LDLRAD4: variants seen among roughly 807,000 people sequenced by gnomAD.
LDLRAD4 encodes the protein low-density lipoprotein receptor class A domain-containing protein 4.
Under a neutral mutation model 17.0 loss-of-function variants are expected in LDLRAD4, and 5 were observed. That is an observed-to-expected ratio of 0.29 (90% CI 0.15 to 0.62). LDLRAD4 has a LOEUF of 0.62. Among genes scored for constraint, LDLRAD4 ranks in the 20% least tolerant of loss-of-function variants. LDLRAD4 has a pLI of 0.84. For synonymous variants in LDLRAD4, 168 were observed against 171.8 expected, an observed-to-expected ratio of 0.98 and a Z score of 0.17; for missense variants, 340 against 424.7, an observed-to-expected ratio of 0.80 and a Z score of 1.75.
intron 1 of LDLRAD4, among the ~76,000 whole-genome samples, chr18:13,328,041 C>T (rs750593405): frequency 4.6e-5 from 7 of 152,170 alleles, no homozygotes; most frequent in Non-Finnish European, 7.4e-5. Flanking sequence ...CCATCAGGCT[C>T]TCCTCCCTGC....
chr18:13,423,394 G>C (rs1470886577), intron 2 of LDLRAD4, among the ~76,000 whole-genome samples: 3 of 151,894 alleles, frequency 2.0e-5, no homozygotes, highest in Non-Finnish European at 4.4e-5. Flanking sequence ...TTAGGAAGCT[G>C]AGGCAAGAGA....
chr18:13,639,163 A>C (rs948088174), intron 4 of LDLRAD4, among the ~76,000 whole-genome samples: 1 of 152,232 alleles, frequency 6.6e-6, no homozygotes, highest in Non-Finnish European at 1.5e-5. Flanking sequence ...TTAGCCAAGA[A>C]CATCAGTGCC....
chr18:13,279,615 C>T (rs1026366472), intron 1 of LDLRAD4: 10 of 152,234 alleles, frequency 6.6e-5, no homozygotes, highest in Admixed American at 2.6e-4. Flanking sequence ...ATCTGATTTT[C>T]CCCCTTATGT....
chr18:13,492,628 G>T (rs892668426), intron 3 of LDLRAD4, among the ~76,000 whole-genome samples: 19 of 152,214 alleles, frequency 1.2e-4, no homozygotes, highest in Admixed American at 1.2e-3. Flanking sequence ...ACTGACTGGG[G>T]CGGCCCTCCA....
chr18:13,283,751 C>T (rs1207557351), intron 1 of LDLRAD4, among the ~76,000 whole-genome samples: 2 of 152,178 alleles, frequency 1.3e-5, no homozygotes, highest in East Asian at 3.8e-4. Flanking sequence ...CAGCAGTGCT[C>T]CACTCTACTG....
chr18:13,362,036 G>A (rs889197427), intron 1 of LDLRAD4, among the ~76,000 whole-genome samples: 1 of 151,932 alleles, frequency 6.6e-6, no homozygotes, highest in African/African-American at 2.4e-5. Context: ...TGATAGGAGC[G>A]TACACTTGTG....
intron 1 of LDLRAD4, among the ~76,000 whole-genome samples, chr18:13,293,219 C>T (rs2046069752): frequency 6.6e-6 from 1 of 152,164 alleles, no homozygotes; most frequent in Non-Finnish European, 1.5e-5. Context: ...TCACCCTTTT[C>T]TAGACATATT....
intron 3 of LDLRAD4, among the ~76,000 whole-genome samples, chr18:13,583,739 G>T (rs778212909): frequency 2.0e-5 from 3 of 152,154 alleles, no homozygotes; most frequent in African/African-American, 7.2e-5. Context: ...CGGCCGCGCC[G>T]AAGCCTGCTT....
At chr18:13,274,477 C>G (rs755072006), upstream of LDLRAD4, among the ~76,000 whole-genome samples, 1 of 152,196 alleles carries the variant, frequency 6.6e-6, no homozygotes, top group East Asian at 1.9e-4. Context: ...TTCTCTGCCT[C>G]GTGTCATGGA....
At chr18:13,238,407 ATGAT>A (rs1365806815) in intron 1 of LDLRAD4, among the ~76,000 whole-genome samples, 4 of 152,238 alleles carry the variant, frequency 2.6e-5, no homozygotes, top group Non-Finnish European at 5.9e-5. Context: ...GCAATATTTT[ATGAT>A]TGATCAGTGT....
chr18:13,489,977 G>C (rs2093324899), intron 3 of LDLRAD4: 1 of 152,128 alleles, frequency 6.6e-6, no homozygotes, highest in Non-Finnish European at 1.5e-5. Context: ...TGATAAAAGG[G>C]AATAAAATTT....
rs1276791966 is a variant in LDLRAD4 at position 13,487,542 on chromosome 18, TG to T, written c.181+49160del. 10 of 152,402 alleles carry T rather than the reference TG, an allele frequency of 6.6e-5. No homozygotes were observed. The South Asian group carries it at 1.9e-3, about 28-fold the overall frequency. The allele number at this position is 152,402 out of a possible 1,614,324, so 9.4% of individuals were successfully genotyped here. A position where few individuals can be genotyped will look rare whatever the true frequency, so the allele number is the denominator to read the frequency against. ...GAGAACTTCTCTGTGCTCCACCTCA[TG>T]GCCAGGGTTCTTACAGCCGCAGGCC... On this transcript the variant is annotated intron_variant, in intron 3 of 5. Coordinates refer to ENST00000359446, the Ensembl canonical transcript of LDLRAD4.
chr18:13,281,113 T>C (rs2045247997), intron 1 of LDLRAD4, among the ~76,000 whole-genome samples: 1 of 152,132 alleles, frequency 6.6e-6, no homozygotes, highest in Non-Finnish European at 1.5e-5. Flanking sequence ...GAAAATGTTA[T>C]CAAACAAAAA....
intron 3 of LDLRAD4, among the ~76,000 whole-genome samples, chr18:13,608,127 A>G (rs2095242389): frequency 6.7e-6 from 1 of 148,846 alleles, no homozygotes; most frequent in East Asian, 2.0e-4. Flanking sequence ...CACTTCTCAA[A>G]AGAAGACATT....
intron 5 of LDLRAD4, 152 bp from the exon 7 acceptor site, chr18:13,644,975 A>G: frequency 1.5e-6 from 1 of 663,504 alleles, no homozygotes; most frequent in Middle Eastern, 4.1e-4. Context: ...TTTTTCTGGA[A>G]TTGGATTTTC....
intron 3 of LDLRAD4, among the ~76,000 whole-genome samples, chr18:13,594,786 G>A (rs920415332): frequency 4.6e-5 from 7 of 151,388 alleles, no homozygotes; most frequent in Non-Finnish European, 1.0e-4. Context: ...AAAAGAAGTT[G>A]TCTGGAGGGA....
At chr18:13,561,648 C>T (rs1023935453) in intron 3 of LDLRAD4, 2 of 151,994 alleles carry the variant, frequency 1.3e-5, no homozygotes, top group Admixed American at 6.5e-5. Context: ...CGTGATGACA[C>T]CTGTGCAAAG....
chr18:13,411,477 C>T (rs941987523), intron 2 of LDLRAD4, among the ~76,000 whole-genome samples: 1 of 152,118 alleles, frequency 6.6e-6, no homozygotes, highest in African/African-American at 2.4e-5. Context: ...TTGTAGTTTC[C>T]ATAATTCCCA....
At chr18:13,532,205 G>C (rs1031081617) in intron 3 of LDLRAD4, among the ~76,000 whole-genome samples, 1 of 152,176 alleles carries the variant, frequency 6.6e-6, no homozygotes. Flanking sequence ...TGCGGTGGAC[G>C]GCTCCTGCAA....
Sources: allele counts gnomAD v4.1 joint callset (sites outside exome capture counted in the v4.1 genomes callset), GRCh38; gene constraint gnomAD v4.1.1; transcripts MANE v1.5; gene names NCBI Gene and HGNC (gene_info 2026-07-23, HGNC 2026-07-21).